The following ABI2 variants were observed in gnomAD, a reference collection of about 807,000 sequenced individuals.
ABI2 encodes the protein abl interactor 2, also known as abelson interactor 2.
In ABI2, 25 loss-of-function variants were observed where a neutral mutation model predicts 59.2. The observed-to-expected ratio is 0.42, with a 90% CI of 0.31 to 0.59. The LOEUF is 0.59. Ranked by LOEUF, ABI2 falls within the 20% of genes least tolerant of loss-of-function variation. The probability of loss-of-function intolerance (pLI) is 0.14; values close to 1 mark genes in which losing one functional copy is unlikely to be tolerated. For missense variants in ABI2, 545 were observed against 681.8 expected, an observed-to-expected ratio of 0.80 and a Z score of 2.23; for synonymous variants, 213 against 235.5, an observed-to-expected ratio of 0.90 and a Z score of 0.87.
In ABI2 at chr2:203,355,913, A is replaced by G. The variant is rs544139385; in HGVS notation, c.118-10964A>G. ...TCAACTTTCACTAGATGGTTTGACT[A>G]GATGTAGAATTATAGATTGGAAATA... On this transcript the variant is annotated intron_variant, in intron 1 of 11. Coordinates refer to ENST00000261018, the MANE Select transcript of ABI2 (RefSeq NM_001375670.1). 1.1e-4 allele frequency among the ~76,000 whole-genome samples: 17 copies of G among 150,976 alleles called. No individual in the cohort carries two copies. The South Asian group carries it at 3.6e-3, about 32-fold the overall frequency.
intron 1 of ABI2, among the ~76,000 whole-genome samples, chr2:203,335,703 G>C (rs2076146485): frequency 6.6e-6 from 1 of 152,136 alleles, no homozygotes; most frequent in African/African-American, 2.4e-5. Context: ...AAGGAACATA[G>C]TTTTGCTTTT....
chr2:203,362,726 C>T (rs888696685), intron 1 of ABI2, among the ~76,000 whole-genome samples: 1 of 151,898 alleles, frequency 6.6e-6, no homozygotes, highest in African/African-American at 2.4e-5. Context: ...GGGGTTTCTC[C>T]ATGTCGGGCA....
chr2:203,384,284 G>GTTTTT (rs1559288723), intron 4 of ABI2, among the ~76,000 whole-genome samples: 30 of 48,504 alleles, frequency 6.2e-4, no homozygotes, highest in Non-Finnish European at 6.6e-4. Context: ...TCTTGTTTTT[G>GTTTTT]TTTTTGTTTT....
intron 1 of ABI2, among the ~76,000 whole-genome samples, chr2:203,346,928 T>C (rs2083988247): frequency 6.6e-6 from 1 of 152,366 alleles, no homozygotes; most frequent in Middle Eastern, 3.4e-3. Context: ...TCATGTGCTA[T>C]AGTGCATTTT....
intron 11 of ABI2, among the ~76,000 whole-genome samples, chr2:203,424,828 C>T (rs911914404): frequency 6.6e-6 from 1 of 152,182 alleles, no homozygotes; most frequent in Non-Finnish European, 1.5e-5. Flanking sequence ...CCATTATAAA[C>T]AGTCTCTGGA....
intron 1 of ABI2, among the ~76,000 whole-genome samples, chr2:203,341,027 C>G (rs1395091564): frequency 2.6e-5 from 4 of 152,174 alleles, no homozygotes; most frequent in Admixed American, 6.5e-5. Context: ...TTGTTATGCC[C>G]TCTGCCAGGA....
chr2:203,330,865 C>A (rs183661155), intron 1 of ABI2, among the ~76,000 whole-genome samples: 3 of 152,198 alleles, frequency 2.0e-5, no homozygotes, highest in Non-Finnish European at 1.5e-5. Flanking sequence ...ATTATTAAAG[C>A]TGAAAGGTTA....
chr2:203,412,982 C>A (rs1484078942), intron 10 of ABI2, among the ~76,000 whole-genome samples: 1 of 152,132 alleles, frequency 6.6e-6, no homozygotes, highest in Non-Finnish European at 1.5e-5. Flanking sequence ...AATTTTTTTC[C>A]ATCACAAATC....
chr2:203,373,400 C>T (rs1270718907), intron 2 of ABI2, among the ~76,000 whole-genome samples: 1 of 152,030 alleles, frequency 6.6e-6, no homozygotes, highest in Non-Finnish European at 1.5e-5. Context: ...TGCAGTGAGC[C>T]AAGATGGCAG....
In ABI2 at chr2:203,428,605, A is replaced by T. The variant is rs1197345118; in HGVS notation, c.*1253A>T. The stretch of plus-strand genomic sequence containing the variant: ...ATTGATAAAAATTAATATAACTGAC[A>T]CAATAAAACACATTTCCCCCATCTG... On this transcript the variant is annotated 3_prime_UTR_variant, in exon 12 of 12. Coordinates refer to ENST00000261018, the MANE Select transcript of ABI2 (RefSeq NM_001375670.1). 1 of 152,516 alleles carries T rather than the reference A, an allele frequency of 6.6e-6. No homozygotes were observed. The highest frequency in any genetic ancestry group is 1.5e-5 in the Non-Finnish European group (1 of 68,042). 9.4% of individuals were successfully genotyped at this position (152,516 alleles called of 1,614,324 possible).
intron 2 of ABI2, among the ~76,000 whole-genome samples, chr2:203,379,766 G>GT (rs1432527114): frequency 6.6e-6 from 1 of 152,130 alleles, no homozygotes; most frequent in African/African-American, 2.4e-5. Context: ...ATATACTTCA[G>GT]TTTTTGTGGG....
intron 11 of ABI2, 67 bp from the exon 12 acceptor site, chr2:203,427,110 G>A (rs2098444856): frequency 2.1e-6 from 3 of 1,428,586 alleles, no homozygotes; most frequent in South Asian, 2.5e-5. Flanking sequence ...GCTATTCACT[G>A]GCTTGGTTCT....
At chr2:203,337,680 G>A (rs979078418) in intron 1 of ABI2, among the ~76,000 whole-genome samples, 1 of 152,104 alleles carries the variant, frequency 6.6e-6, no homozygotes, top group Admixed American at 6.5e-5. Context: ...AATAGCCAAA[G>A]CAGTTTTGAA....
chr2:203,380,264 C>A lies in ABI2; in HGVS notation c.342C>A (p.Thr114=). ...VARREIGILT[T]NKNTSRTHKI... ...GAAGAGAAATTGGTATTTTGACTAC[C>A]AATAAAAACACTTCAAGGACACATA... The change falls in exon 3 of 12, where the codon ACC becomes ACA. Residue 114 remains threonine (T), a synonymous_variant. Coordinates refer to ENST00000261018, the MANE Select transcript of ABI2 (RefSeq NM_001375670.1). The A allele has an allele frequency of 6.3e-7, 1 of 1,597,102 alleles. No homozygotes were observed.
chr2:203,361,734 C>T (rs2152918740), intron 1 of ABI2, among the ~76,000 whole-genome samples: 1 of 152,238 alleles, frequency 6.6e-6, no homozygotes, highest in Non-Finnish European at 1.5e-5. Flanking sequence ...TATGCAAATA[C>T]AGGAAAATTT....
At chr2:203,355,762 C>G (rs1243092668) in intron 1 of ABI2, among the ~76,000 whole-genome samples, 2 of 141,204 alleles carry the variant, frequency 1.4e-5, no homozygotes, top group African/African-American at 5.3e-5. Flanking sequence ...ATCTGGGAGG[C>G]AGAGGTTGCT....
intron 1 of ABI2, among the ~76,000 whole-genome samples, chr2:203,340,142 A>G (rs139590401): frequency 1.5e-3 from 222 of 152,338 alleles, no homozygotes; most frequent in African/African-American, 3.9e-3. Context: ...ATACCGTATG[A>G]TTTCACTTAT....
At chr2:203,385,925 G>T (rs1278029710) in intron 4 of ABI2, among the ~76,000 whole-genome samples, 4 of 151,884 alleles carry the variant, frequency 2.6e-5, no homozygotes, top group Admixed American at 2.0e-4. Flanking sequence ...GTGTTTTATT[G>T]TTGGACTCTT....
chr2:203,417,780 A>G (rs2097962441), intron 11 of ABI2, among the ~76,000 whole-genome samples: 1 of 152,176 alleles, frequency 6.6e-6, no homozygotes, highest in Non-Finnish European at 1.5e-5. Flanking sequence ...AATCAGGTGT[A>G]CCCTCCCTCC....
Sources: gnomAD v4.1 joint callset for allele counts (sites outside exome capture counted in the v4.1 genomes callset) on GRCh38, gnomAD v4.1.1 for gene constraint, MANE v1.5 for transcripts, NCBI Gene and HGNC (gene_info 2026-07-23, HGNC 2026-07-21) for gene names.